Variants in PHF11 observed in about 807,000 individuals in gnomAD.
The protein encoded by PHF11 is PHD finger protein 11.
In PHF11, 38 loss-of-function variants were observed where a neutral mutation model predicts 40.5. That is an observed-to-expected ratio of 0.94 (90% CI 0.72 to 1.23). The LOEUF is 1.23. PHF11 is among the 50% of genes most tolerant of loss of function. PHF11 has a pLI of 0.00. For synonymous variants in PHF11, 127 were observed against 138.2 expected, an observed-to-expected ratio of 0.92 and a Z score of 0.57; for missense variants, 369 against 392.4, an observed-to-expected ratio of 0.94 and a Z score of 0.50.
chr13:49,512,372 T>C (rs973019163), intron 2 of PHF11, among the ~76,000 whole-genome samples: 2 of 152,274 alleles, frequency 1.3e-5, no homozygotes, highest in Non-Finnish European at 2.9e-5. Flanking sequence ...AATTTTTATT[T>C]TGATGGAATC....
At chr13:49,527,927 T>G (rs4942837) in intron 9 of PHF11, among the ~76,000 whole-genome samples, 72,343 of 151,968 alleles carry the variant, frequency 0.48, 17,652 homozygotes, top group Middle Eastern at 0.59. Flanking sequence ...CTGAATAAAG[T>G]TTGTATATGT....
chr13:49,522,456 T>C (rs1384113495), intron 6 of PHF11, among the ~76,000 whole-genome samples: 1 of 152,206 alleles, frequency 6.6e-6, no homozygotes, highest in Non-Finnish European at 1.5e-5. Flanking sequence ...CCACAGGTGC[T>C]TACAGTTAAA....
At chr13:49,509,564 C>A (rs1250748506) in intron 2 of PHF11, among the ~76,000 whole-genome samples, 1 of 152,092 alleles carries the variant, frequency 6.6e-6, no homozygotes, top group Non-Finnish European at 1.5e-5. Context: ...TGTCCCCACC[C>A]AAATCTCACC....
intron 1 of PHF11, among the ~76,000 whole-genome samples, chr13:49,501,016 G>GTT (rs1566185405): frequency 1.4e-4 from 11 of 77,534 alleles, no homozygotes; most frequent in South Asian, 4.9e-4. Flanking sequence ...TTTTTTTTTT[G>GTT]GTTTTTTTTT....
At chr13:49,523,060 G>A in intron 6 of PHF11, 115 bp from the exon 7 acceptor site, 1 of 790,198 alleles carries the variant, frequency 1.3e-6, no homozygotes, top group Non-Finnish European at 2.2e-6. Flanking sequence ...ACCGCGCCCA[G>A]CCAGGGCATG....
intron 1 of PHF11, among the ~76,000 whole-genome samples, chr13:49,506,223 C>T (rs376286067): frequency 6.7e-6 from 1 of 149,868 alleles, no homozygotes; most frequent in African/African-American, 2.5e-5. Flanking sequence ...GGTAGCAAGA[C>T]CCCGGTCTCT....
intron 9 of PHF11, among the ~76,000 whole-genome samples, 163 bp downstream of exon 9, chr13:49,526,621 G>GCCCC (rs1222135505): frequency 6.2e-5 from 9 of 145,792 alleles, no homozygotes; most frequent in Non-Finnish European, 1.1e-4. Flanking sequence ...CCGCCCACCT[G>GCCCC]CCCACACACA....
Position 49,528,555 on chromosome 13 carries a change from T to TTGAA in PHF11, c.887_890dup (p.Lys297AsnfsTer6). ...TGCATCTCAACAAAGGTGGCAGCAG[T>TTGAA]TGAAGGAAGAGATTGAGCTACTTCA... On this transcript the variant is annotated frameshift_variant, in exon 10 of 10. Transcript: ENST00000378319. LOFTEE classifies it low-confidence loss of function (END_TRUNC). The TTGAA allele has an allele frequency of 1.2e-6, 2 of 1,611,810 alleles. No homozygotes were observed. Among genetic ancestry groups the TTGAA allele is most frequent in the Non-Finnish European group, 1.7e-6 (2 of 1,178,688 alleles).
Position 49,528,671 on chromosome 13 carries a change from A to C in PHF11, c.*6A>C, listed in dbSNP as rs1959416469. 6.3e-7 allele frequency: 1 copy of C among 1,586,032 alleles called. No homozygotes were observed. The highest frequency in any genetic ancestry group is 1.4e-5 in the African/African-American group (1 of 73,636). ...TATCATCCCTGTCTTATTAGGGATT[A>C]CCGTTTCCTAAGCCAAGAGTCATGT... On this transcript the variant is annotated 3_prime_UTR_variant, in exon 10 of 10. Transcript: ENST00000378319.
At chr13:49,507,047 G>A (rs1959009281) in intron 2 of PHF11, among the ~76,000 whole-genome samples, 1 of 151,844 alleles carries the variant, frequency 6.6e-6, no homozygotes, top group Non-Finnish European at 1.5e-5. Flanking sequence ...GGGACTACAG[G>A]TGCCCGCCAC....
At chr13:49,513,825 G>T (rs1203455510) in intron 3 of PHF11, among the ~76,000 whole-genome samples, 2 of 152,042 alleles carry the variant, frequency 1.3e-5, no homozygotes, top group Non-Finnish European at 2.9e-5. Flanking sequence ...ATGTCATCAG[G>T]GGCCCAGGTT....
intron 7 of PHF11, 195 bp downstream of exon 7, chr13:49,523,436 G>A (rs1256505262): frequency 8.5e-6 from 5 of 586,308 alleles, no homozygotes; most frequent in African/African-American, 3.8e-5. Flanking sequence ...GGTTGGAATG[G>A]TCCATTGCAT....
At chr13:49,513,760 C>T (rs561983483) in intron 3 of PHF11, among the ~76,000 whole-genome samples, 3 of 152,154 alleles carry the variant, frequency 2.0e-5, no homozygotes, top group Admixed American at 1.3e-4. Context: ...CTTACTTTTT[C>T]ACTTGATCAG....
chr13:49,513,328 A>AT (rs5803468), intron 3 of PHF11, among the ~76,000 whole-genome samples, 162 bp downstream of exon 3: 14,979 of 126,114 alleles, frequency 0.12, 1,938 homozygotes, highest in African/African-American at 0.33. Flanking sequence ...TTAACATTTA[A>AT]TTTTTTTTTT....
chr13:49,520,302 C>A (rs1959181708), intron 4 of PHF11, among the ~76,000 whole-genome samples: 2 of 152,200 alleles, frequency 1.3e-5, no homozygotes, highest in Non-Finnish European at 2.9e-5. Flanking sequence ...CCGCCTCGGC[C>A]TCCCAAAATG....
At chr13:49,509,370 G>A (rs569730974) in intron 2 of PHF11, among the ~76,000 whole-genome samples, 17 of 151,992 alleles carry the variant, frequency 1.1e-4, no homozygotes, top group South Asian at 2.1e-4. Context: ...ATGCCACCAC[G>A]CCCAGCTAAT....
At chr13:49,504,483 CCCGG>C (rs1958951694) in intron 1 of PHF11, among the ~76,000 whole-genome samples, 2 of 63,428 alleles carry the variant, frequency 3.2e-5, no homozygotes, top group Non-Finnish European at 4.8e-5. Flanking sequence ...CAGCCCCCCG[CCCGG>C]CCAGCCGCCC....
intron 1 of PHF11, among the ~76,000 whole-genome samples, chr13:49,502,272 A>T (rs1404843274): frequency 6.6e-6 from 1 of 152,126 alleles, no homozygotes; most frequent in African/African-American, 2.4e-5. Flanking sequence ...CTGCACTCCA[A>T]GCTTGGGTGA....
intron 1 of PHF11, among the ~76,000 whole-genome samples, chr13:49,499,161 A>G (rs1057366824): frequency 1.6e-4 from 25 of 152,238 alleles, no homozygotes; most frequent in Non-Finnish European, 3.5e-4. Flanking sequence ...TGGTGATGGT[A>G]TAGAAGATGG....
Sources: gnomAD v4.1 joint callset for allele counts (sites outside exome capture counted in the v4.1 genomes callset) on GRCh38, gnomAD v4.1.1 for gene constraint, MANE v1.5 for transcripts, NCBI Gene and HGNC (gene_info 2026-07-23, HGNC 2026-07-21) for gene names.